MORN3: variants seen among roughly 807,000 people sequenced by gnomAD.
The protein encoded by MORN3 is MORN repeat containing 3, also known as MORN repeat-containing protein 3.
Under a neutral mutation model 34.7 loss-of-function variants are expected in MORN3, and 38 were observed. The observed-to-expected ratio is 1.10, with a 90% confidence interval of 0.85 to 1.44. The LOEUF (loss-of-function observed/expected upper bound fraction) is 1.44. MORN3 is among the 40% of genes most tolerant of loss of function. The pLI, the probability that MORN3 is intolerant of heterozygous loss-of-function variation, is 0.00. For synonymous variants in MORN3, 109 were observed against 115.3 expected (o/e 0.95, Z 0.35); for missense variants, 311 against 321.7 (o/e 0.97, Z 0.25).
At chr12:121,654,886 T>C (rs1258902849) in intron 2 of MORN3, among the ~76,000 whole-genome samples, 1 of 151,544 alleles carries the variant, frequency 6.6e-6, no homozygotes, top group Non-Finnish European at 1.5e-5. Context: ...GTGTGAGCCA[T>C]AGTGCCCACC....
At position 121,649,478 on chromosome 12, in the gene MORN3, T is replaced by C. The variant is rs1237952678; in HGVS notation, c.*2173A>G. The C allele has an allele frequency of 1.3e-5, 2 of 152,248 alleles. No individual in the cohort carries two copies. The highest frequency in any genetic ancestry group is 6.6e-5 in the Admixed American group (1 of 15,264). The allele number at this position is 152,248 out of a possible 1,614,324, so 9.4% of individuals were successfully genotyped here. A position where few individuals can be genotyped will look rare whatever the true frequency, so the allele number is the denominator to read the frequency against. On this transcript the variant is annotated 3_prime_UTR_variant, in exon 6 of 6. Transcript: ENST00000355329. Reference sequence around the variant, plus strand: ...GGCCTGGAATAGAGTGAGTGCTCCATATCTGGAAGTTATGATTAATTCTGC... The same window carrying C: ...GGCCTGGAATAGAGTGAGTGCTCCACATCTGGAAGTTATGATTAATTCTGC...
At chr12:121,652,830 T>C (rs1893291191) in intron 4 of MORN3, 22 bp from the exon 5 acceptor site, 1 of 1,613,814 alleles carries the variant, frequency 6.2e-7, no homozygotes, top group Middle Eastern at 1.7e-4. Context: ...TACCAAGAAG[T>C]TGGTTTGGAG....
At chr12:121,669,203 G>A in intron 1 of MORN3, 136 bp downstream of exon 1, 1 of 1,157,440 alleles carries the variant, frequency 8.6e-7, no homozygotes, top group Non-Finnish European at 1.2e-6. Context: ...CAGCTGGCCT[G>A]GGCCAGCGCT....
chr12:121,652,776 C>T lies in MORN3; in HGVS notation c.681G>A (p.Ala227=), dbSNP rs141136461. 1.8e-5 allele frequency: 29 copies of T among 1,614,102 alleles called. No individual in the cohort carries two copies. The highest frequency in any genetic ancestry group is 1.5e-4 in the Admixed American group (9 of 60,004). Residue 227 remains alanine, a synonymous_variant, in exon 5 of 6, where the codon GCG becomes GCA. Coordinates refer to ENST00000355329, the MANE Select transcript of MORN3 (RefSeq NM_173855.5). ...VKILDPDGVL[A]EALAMFRKTE... is the part of the protein sequence containing the mutation. Reference sequence around the variant, plus strand: ...TCTTCCTGAACATGGCCAAGGCCTCCGCCAGCACACCATCAGGGTCTAGGA... The same window carrying T: ...TCTTCCTGAACATGGCCAAGGCCTCTGCCAGCACACCATCAGGGTCTAGGA...
rs1332026800 is a variant in MORN3 at position 121,654,450 on chromosome 12, G to A, written c.304-17C>T. ...CCCATAACCCTGAAAGTACGAAGAT[G>A]CTACTACTCAGGGCGCCCCCCAACA... is the stretch of plus-strand genomic sequence containing the variant. On this transcript the variant is annotated splice_polypyrimidine_tract_variant and intron_variant, in intron 2 of 5. Transcript: ENST00000355329. The A allele has an allele frequency of 1.3e-6, 2 of 1,567,816 alleles. No homozygotes were observed. The highest frequency in any genetic ancestry group is 1.7e-6 in the Non-Finnish European group (2 of 1,154,468).
At position 121,650,125 on chromosome 12, in the gene MORN3, C is replaced by T. The variant is rs1555324890; in HGVS notation, c.*1526G>A. 1 of 152,056 alleles carries T rather than the reference C, an allele frequency of 6.6e-6. No individual in the cohort carries two copies. Among genetic ancestry groups the T allele is most frequent in the East Asian group, 1.9e-4 (1 of 5,168 alleles). 9.4% of individuals were successfully genotyped at this position (152,056 alleles called of 1,614,324 possible). On this transcript the variant is annotated 3_prime_UTR_variant, in exon 6 of 6. Coordinates refer to ENST00000355329, the MANE Select transcript of MORN3 (RefSeq NM_173855.5). Reference sequence around the variant, plus strand: ...TAAGTACTGTTAATGCCCCATATTGCAAGTGAGGAGACCAACAGAACAGAG... The same window carrying T: ...TAAGTACTGTTAATGCCCCATATTGTAAGTGAGGAGACCAACAGAACAGAG...
chr12:121,659,101 C>T (rs11043313), intron 2 of MORN3, 90 bp downstream of exon 2: 117,970 of 1,504,968 alleles, frequency 0.078, 5,841 homozygotes, highest in Non-Finnish European at 0.092. Flanking sequence ...TCTTTTCTCC[C>T]AGGCCTCTCT....
At chr12:121,652,891 G>A (rs530936983) in intron 4 of MORN3, 83 bp from the exon 5 acceptor site, 1 of 1,516,972 alleles carries the variant, frequency 6.6e-7, no homozygotes, top group East Asian at 2.3e-5. Context: ...CTGCCGTGTG[G>A]GGTGCTGCCA....
chr12:121,662,530 C>T (rs892258109), intron 1 of MORN3, among the ~76,000 whole-genome samples: 11 of 151,940 alleles, frequency 7.2e-5, no homozygotes, highest in African/African-American at 1.7e-4. Flanking sequence ...CCGAGGCAGG[C>T]GGATGATGAG....
Position 121,669,556 on chromosome 12 carries a change from T to C in MORN3, c.-73A>G. Reference sequence around the variant, plus strand: ...CATCTGGGGCTCAGCGCGCCCCGTGTAATGCCGGGATCCTGAGCTCAAGTG... The same window carrying C: ...CATCTGGGGCTCAGCGCGCCCCGTGCAATGCCGGGATCCTGAGCTCAAGTG... On this transcript the variant is annotated 5_prime_UTR_variant, in exon 1 of 6. Transcript: ENST00000355329. 1 of 1,586,928 alleles carries C rather than the reference T, an allele frequency of 6.3e-7. No individual in the cohort carries two copies.
At chr12:121,671,033 C>T (rs1893948868), upstream of MORN3, among the ~76,000 whole-genome samples, 1 of 148,464 alleles carries the variant, frequency 6.7e-6, no homozygotes, top group Non-Finnish European at 1.5e-5. Context: ...ATCGCTTGAA[C>T]CAGGGAGGAG....
At chr12:121,671,236 T>C (rs1893959264), upstream of MORN3, among the ~76,000 whole-genome samples, 1 of 147,260 alleles carries the variant, frequency 6.8e-6, no homozygotes, top group Admixed American at 6.9e-5. Flanking sequence ...TGAAACCCCG[T>C]CTCTACTAAA....
upstream of MORN3, among the ~76,000 whole-genome samples, chr12:121,671,266 G>A (rs1485225211): frequency 2.6e-5 from 4 of 151,360 alleles, no homozygotes; most frequent in Non-Finnish European, 4.4e-5. Flanking sequence ...GATTAGCCGG[G>A]CGTGGTGGCG....
intron 3 of MORN3, 33 bp from the exon 4 acceptor site, chr12:121,653,292 G>A (rs1555325319): frequency 6.2e-7 from 1 of 1,600,554 alleles, no homozygotes; most frequent in South Asian, 1.1e-5. Context: ...GTGGTGCAGG[G>A]TACACCAAAC....
chr12:121,668,777 A>G (rs1302646856), intron 1 of MORN3, among the ~76,000 whole-genome samples: 1 of 152,152 alleles, frequency 6.6e-6, no homozygotes, highest in African/African-American at 2.4e-5. Context: ...CAGCAGTGCC[A>G]CATTTTAAAA....
intron 1 of MORN3, among the ~76,000 whole-genome samples, chr12:121,660,070 C>T (rs1459904008): frequency 6.6e-6 from 1 of 151,292 alleles, no homozygotes; most frequent in Non-Finnish European, 1.5e-5. Flanking sequence ...CCTGTGTCTA[C>T]TAAAAATACA....
At chr12:121,669,834 T>TA (rs1566488482), upstream of MORN3, among the ~76,000 whole-genome samples, 870 of 92,238 alleles carry the variant, frequency 9.4e-3, 12 homozygotes, top group East Asian at 0.064. Flanking sequence ...ATATATATAT[T>TA]TTTTTTTTTA....
intron 2 of MORN3, among the ~76,000 whole-genome samples, chr12:121,658,930 C>A (rs953256122): frequency 2.0e-5 from 3 of 152,188 alleles, no homozygotes; most frequent in African/African-American, 7.2e-5. Context: ...CCCCACAAGC[C>A]TGGCTGGCTC....
At chr12:121,670,571 G>T (rs1248020626), upstream of MORN3, among the ~76,000 whole-genome samples, 1 of 152,124 alleles carries the variant, frequency 6.6e-6, no homozygotes, top group Non-Finnish European at 1.5e-5. Context: ...CACTTTGGGA[G>T]GCCGAGGCGG....
Sources: gnomAD v4.1 joint callset for allele counts (sites outside exome capture counted in the v4.1 genomes callset) on GRCh38, gnomAD v4.1.1 for gene constraint, MANE v1.5 for transcripts, NCBI Gene and HGNC (gene_info 2026-07-23, HGNC 2026-07-21) for gene names.